The following PDE6A variants were observed in gnomAD, a reference collection of about 807,000 sequenced individuals.
PDE6A encodes the protein rod cGMP-specific 3',5'-cyclic phosphodiesterase subunit alpha.
Under a neutral mutation model 106.3 loss-of-function variants are expected in PDE6A, and 84 were observed. The observed-to-expected ratio is 0.79, with a 90% CI of 0.66 to 0.95. The LOEUF is 0.95. Among genes scored for constraint, PDE6A ranks in the 40% least tolerant of loss-of-function variants. The probability of loss-of-function intolerance (pLI) is 0.00; values close to 1 mark genes in which losing one functional copy is unlikely to be tolerated. For missense variants in PDE6A, 1,052 were observed against 1,084.9 expected (o/e 0.97, Z 0.43); for synonymous variants, 394 against 386.6 (o/e 1.02, Z -0.23).
chr5:149,861,706 A>G (rs1384309694), intron 21 of PDE6A, among the ~76,000 whole-genome samples: 2 of 152,176 alleles, frequency 1.3e-5, no homozygotes, highest in African/African-American at 4.8e-5. Context: ...TAAATATTCC[A>G]ATTTTAAAAT....
At chr5:149,879,249 T>C (rs2113538083) in intron 17 of PDE6A, among the ~76,000 whole-genome samples, 1 of 152,064 alleles carries the variant, frequency 6.6e-6, no homozygotes, top group South Asian at 2.1e-4. Flanking sequence ...TTTTTGTATT[T>C]TTAGTAGAGA....
intron 16 of PDE6A, among the ~76,000 whole-genome samples, chr5:149,884,199 A>ATATAT (rs1292414362): frequency 2.8e-5 from 4 of 142,338 alleles, no homozygotes; most frequent in African/African-American, 1.0e-4. Context: ...AAAAAAAAAA[A>ATATAT]ATATATATAT....
chr5:149,886,442 G>A, intron 13 of PDE6A, 68 bp from the exon 14 acceptor site: 4 of 1,179,014 alleles, frequency 3.4e-6, no homozygotes, highest in Admixed American at 1.9e-5. Context: ...TGAAAAGGCG[G>A]GTGTAAGGAG....
At chr5:149,898,914 A>C (rs1411282344) in intron 9 of PDE6A, among the ~76,000 whole-genome samples, 7 of 152,110 alleles carry the variant, frequency 4.6e-5, no homozygotes, top group Admixed American at 4.6e-4. Flanking sequence ...CCCAGGATGG[A>C]TTGCAATGGC....
At chr5:149,908,241 A>G (rs1401155075) in intron 6 of PDE6A, among the ~76,000 whole-genome samples, 2 of 152,240 alleles carry the variant, frequency 1.3e-5, no homozygotes, top group Non-Finnish European at 1.5e-5. Flanking sequence ...GTTGGTGGAC[A>G]TCCCCCATCC....
intron 17 of PDE6A, among the ~76,000 whole-genome samples, chr5:149,881,814 G>A (rs1049083206): frequency 1.8e-4 from 28 of 152,132 alleles, no homozygotes; most frequent in Admixed American, 7.2e-4. Context: ...AACACTTTGG[G>A]AGGCCAAGGA....
intron 6 of PDE6A, among the ~76,000 whole-genome samples, chr5:149,908,840 G>A (rs1038871771): frequency 1.3e-5 from 2 of 152,006 alleles, no homozygotes; most frequent in Non-Finnish European, 2.9e-5. Flanking sequence ...AACATAGGGG[G>A]ACTCCATCTC....
At chr5:149,866,424 G>A in intron 19 of PDE6A, 171 bp from the exon 20 acceptor site, 3 of 572,290 alleles carry the variant, frequency 5.2e-6, no homozygotes, top group Non-Finnish European at 9.4e-6. Flanking sequence ...CCATGAGGGT[G>A]TAACCAACCA....
In PDE6A at chr5:149,886,164, G is replaced by A. The variant is rs1299145029; in HGVS notation, c.1838+101C>T. On this transcript the variant is annotated intron_variant, in intron 14 of 21. Transcript: ENST00000255266. ...GGGCAGAAGGCGGTGGGAAGCTGTG[G>A]ACCACAAGACTTCCCTGTTGGCCAG... 4.7e-6 allele frequency: 4 copies of A among 859,898 alleles called. No homozygotes were observed. In the Admixed American group the frequency reaches 7.6e-5, roughly 16 times the overall value. The allele number at this position is 859,898 out of a possible 1,614,324, so 53.3% of individuals were successfully genotyped here. A position where few individuals can be genotyped will look rare whatever the true frequency, so the allele number is the denominator to read the frequency against.
intron 5 of PDE6A, among the ~76,000 whole-genome samples, chr5:149,920,981 A>AGAAAGAAG (rs1753699185): frequency 7.5e-6 from 1 of 133,568 alleles, no homozygotes; most frequent in Non-Finnish European, 1.5e-5. Context: ...AAAGAAAGAA[A>AGAAAGAAG]GAAAGAAAGA....
At chr5:149,884,093 A>C (rs1250137829) in intron 16 of PDE6A, among the ~76,000 whole-genome samples, 2 of 151,436 alleles carry the variant, frequency 1.3e-5, no homozygotes, top group Non-Finnish European at 2.9e-5. Context: ...CAGGAGGCTG[A>C]GGTGGGAGGA....
chr5:149,867,979 G>A lies in PDE6A; in HGVS notation c.2199+116C>T, dbSNP rs574839790. ...AAAATGATTCCCATGTCTTGGTAGA[G>A]GAGGATGGGACACAGGTGAGCTGGT... On this transcript the variant is annotated intron_variant, in intron 18 of 21. Transcript: ENST00000255266. 191 of 1,147,652 alleles carry A rather than the reference G, an allele frequency of 1.7e-4. 2 individuals carry two copies. The African/African-American group carries it at 2.7e-3, about 16-fold the overall frequency. 71.1% of individuals were successfully genotyped at this position (1,147,652 alleles called of 1,614,324 possible).
intron 13 of PDE6A, among the ~76,000 whole-genome samples, chr5:149,887,958 C>T (rs962014963): frequency 5.3e-5 from 8 of 149,940 alleles, no homozygotes; most frequent in East Asian, 3.9e-4. Flanking sequence ...GCTCTTGAGC[C>T]GCCCTCTTTC....
At chr5:149,882,440 A>G (rs545351240) in intron 17 of PDE6A, among the ~76,000 whole-genome samples, 1 of 152,142 alleles carries the variant, frequency 6.6e-6, no homozygotes, top group Admixed American at 6.5e-5. Flanking sequence ...ATTGCCTTCA[A>G]TGCCCAGGAC....
At chr5:149,892,206 C>T (rs1277572124) in intron 13 of PDE6A, among the ~76,000 whole-genome samples, 1 of 151,962 alleles carries the variant, frequency 6.6e-6, no homozygotes, top group African/African-American at 2.4e-5. Context: ...GTTTTAGCTA[C>T]TTGGGAGGCT....
At chr5:149,901,175 CAA>C (rs2113600823) in intron 8 of PDE6A, among the ~76,000 whole-genome samples, 1 of 152,224 alleles carries the variant, frequency 6.6e-6, no homozygotes, top group African/African-American at 2.4e-5. Flanking sequence ...CTCGGTCTCT[CAA>C]AGTGTTGGGA....
intron 4 of PDE6A, among the ~76,000 whole-genome samples, chr5:149,930,022 A>G (rs537002500): frequency 4.1e-4 from 62 of 152,318 alleles, no homozygotes; most frequent in Non-Finnish European, 8.1e-4. Flanking sequence ...TCAACCTCCT[A>G]AAGTCCTGGG....
rs113190336 is a variant in PDE6A, at chr5:149,887,968, C to CTGTG, written c.1729-1598_1729-1595dup. On this transcript the variant is annotated intron_variant, in intron 13 of 21. Transcript: ENST00000255266. Reference sequence around the variant, plus strand: ...CATTTGCTCTTGAGCCGCCCTCTTTCTGTGTGTGTGTGTGTGTGTGTCTTT... The same window carrying CTGTG: ...CATTTGCTCTTGAGCCGCCCTCTTTCTGTGTGTGTGTGTGTGTGTGTGTGTCTTT... Among the ~76,000 whole-genome samples, 1,178 of 150,376 alleles carry CTGTG rather than the reference C, an allele frequency of 7.8e-3. 16 individuals are homozygous for CTGTG. The highest frequency in any genetic ancestry group is 0.023 in the African/African-American group (944 of 41,066).
At chr5:149,941,184 T>G (rs771696379) in intron 1 of PDE6A, among the ~76,000 whole-genome samples, 1 of 152,220 alleles carries the variant, frequency 6.6e-6, no homozygotes, top group Non-Finnish European at 1.5e-5. Context: ...ACCAAGCACA[T>G]GCTTTGTGCC....
Sources: allele counts gnomAD v4.1 joint callset (sites outside exome capture counted in the v4.1 genomes callset), GRCh38; gene constraint gnomAD v4.1.1; transcripts MANE v1.5; gene names NCBI Gene and HGNC (gene_info 2026-07-23, HGNC 2026-07-21).